SCAPER: variants seen among roughly 807,000 people sequenced by gnomAD.
SCAPER encodes S phase cyclin A-associated protein in the endoplasmic reticulum.
A neutral mutation model predicts 182.2 loss-of-function variants in SCAPER; 98 were observed. The ratio of observed to expected loss-of-function variants is 0.54; its 90% CI spans 0.46 to 0.64. The LOEUF is 0.64. Ranked by LOEUF, SCAPER falls within the 30% of genes least tolerant of loss-of-function variation. The pLI is 0.00. For missense variants in SCAPER, 1,432 were observed against 1,690.0 expected, an observed-to-expected ratio of 0.85 and a Z score of 2.68; for synonymous variants, 605 against 564.6, an observed-to-expected ratio of 1.07 and a Z score of -1.01.
intron 24 of SCAPER, among the ~76,000 whole-genome samples, chr15:76,494,274 T>C (rs2040279887): frequency 6.6e-6 from 1 of 152,234 alleles, no homozygotes; most frequent in Admixed American, 6.5e-5. Flanking sequence ...ATTTCATTTT[T>C]AGACTTCATT....
Position 76,873,274 on chromosome 15 carries a change from AAAGGAAGGAAGG to A in SCAPER, c.6+10526_6+10537del, listed in dbSNP as rs1186656853. Among the ~76,000 whole-genome samples, 90 of 105,660 alleles carry A rather than the reference AAAGGAAGGAAGG, an allele frequency of 8.5e-4. No individual in the cohort carries two copies. The East Asian group carries it at 8.7e-3, about 10-fold the overall frequency. The allele number at this position is 105,660 out of a possible 152,430, so 69.3% of individuals were successfully genotyped here. ...TCCCGAAAAAGAAAAAAAGAAAGGA[AAAGGAAGGAAGG>A]AAGGAAGGAAGGAAGGAAGGAAGGA... On this transcript the variant is annotated intron_variant, in intron 2 of 31. Coordinates refer to ENST00000563290, the MANE Select transcript of SCAPER (RefSeq NM_020843.4).
chr15:76,384,424 T>C (rs2043161200), intron 27 of SCAPER, among the ~76,000 whole-genome samples: 2 of 152,242 alleles, frequency 1.3e-5, no homozygotes, highest in Admixed American at 6.5e-5. Flanking sequence ...TTCACTGCTA[T>C]TTCCTCTTCC....
chr15:76,876,973 C>A (rs8035685), intron 2 of SCAPER, among the ~76,000 whole-genome samples: 4,417 of 152,242 alleles, frequency 0.029, 198 homozygotes, highest in African/African-American at 0.1. Flanking sequence ...CACTGGCTCA[C>A]AACTGTAATC....
chr15:76,621,900 T>C lies in SCAPER; in HGVS notation c.2646-71A>G, dbSNP rs1466541881. 9.1e-6 allele frequency: 10 copies of C among 1,099,690 alleles called. No individual in the cohort carries two copies. In the South Asian group the frequency reaches 1.4e-4, roughly 15 times the overall value. The allele number at this position is 1,099,690 out of a possible 1,614,324, so 68.1% of individuals were successfully genotyped here. ...TTATAATAAACCAAAATGTTGGCTGTATTTTTCCCCTATTAAATATAACAC... is the reference window on the plus strand; with the variant it reads ...TTATAATAAACCAAAATGTTGGCTGCATTTTTCCCCTATTAAATATAACAC... On this transcript the variant is annotated intron_variant, in intron 21 of 31. Coordinates refer to ENST00000563290, the MANE Select transcript of SCAPER (RefSeq NM_020843.4).
chr15:76,816,321 CT>C (rs1176519533), intron 5 of SCAPER, among the ~76,000 whole-genome samples: 1 of 152,090 alleles, frequency 6.6e-6, no homozygotes, highest in Non-Finnish European at 1.5e-5. Context: ...ACAAAATTAT[CT>C]TTATAACCTC....
chr15:76,768,216 A>G (rs1185664632), intron 10 of SCAPER, among the ~76,000 whole-genome samples: 2 of 152,192 alleles, frequency 1.3e-5, no homozygotes, highest in Non-Finnish European at 1.5e-5. Context: ...TCCAGGAGAA[A>G]TAAAAAATGT....
chr15:76,855,773 G>C (rs1197038802), intron 4 of SCAPER: 1 of 311,918 alleles, frequency 3.2e-6, no homozygotes, highest in East Asian at 8.4e-5. Flanking sequence ...AAAAATAACA[G>C]ATCTTGGCAA....
At chr15:76,532,562 T>C (rs988134768) in intron 23 of SCAPER, among the ~76,000 whole-genome samples, 1 of 152,184 alleles carries the variant, frequency 6.6e-6, no homozygotes, top group Non-Finnish European at 1.5e-5. Context: ...ATGCTGACTT[T>C]TCACTCATCA....
At chr15:76,730,855 C>T (rs2060883555) in intron 16 of SCAPER, among the ~76,000 whole-genome samples, 1 of 152,084 alleles carries the variant, frequency 6.6e-6, no homozygotes, top group Admixed American at 6.6e-5. Context: ...CACTTGTAAA[C>T]ATAATGTCAA....
intron 4 of SCAPER, chr15:76,855,812 G>A (rs535936127): frequency 7.1e-5 from 29 of 407,086 alleles, no homozygotes; most frequent in Non-Finnish European, 8.5e-5. Flanking sequence ...ATACTTACAC[G>A]CTATTGCTGG....
intron 23 of SCAPER, among the ~76,000 whole-genome samples, chr15:76,512,663 C>G (rs1310200299): frequency 1.3e-5 from 2 of 151,686 alleles, no homozygotes; most frequent in Non-Finnish European, 1.5e-5. Flanking sequence ...AAAAAAAAAC[C>G]CTCCAAAAAA....
At position 76,533,510 on chromosome 15, in the gene SCAPER, G is replaced by A. The variant is rs1313227288; in HGVS notation, c.2839-28536C>T. On this transcript the variant is annotated intron_variant, in intron 23 of 31. Coordinates refer to ENST00000563290, the MANE Select transcript of SCAPER (RefSeq NM_020843.4). Reference sequence around the variant, plus strand: ...GTATACCATATAGCCTATGTGTGAAGCAGGCTATACCATCAAGGTCTGTGT... The same window carrying A: ...GTATACCATATAGCCTATGTGTGAAACAGGCTATACCATCAAGGTCTGTGT... 1.3e-5 allele frequency among the ~76,000 whole-genome samples: 2 copies of A among 152,022 alleles called. 1 individual carries two copies.
At chr15:76,605,122 CAG>C (rs1268587800) in intron 22 of SCAPER, among the ~76,000 whole-genome samples, 4 of 152,120 alleles carry the variant, frequency 2.6e-5, no homozygotes, top group African/African-American at 9.7e-5. Context: ...GGAATGCTTC[CAG>C]TTTTTGCTCA....
At chr15:76,491,781 G>C (rs1225421752) in intron 24 of SCAPER, among the ~76,000 whole-genome samples, 1 of 152,100 alleles carries the variant, frequency 6.6e-6, no homozygotes, top group East Asian at 1.9e-4. Context: ...ACAGGCGTTT[G>C]CCACCACACC....
chr15:76,732,435 G>A (rs535528886), intron 16 of SCAPER, among the ~76,000 whole-genome samples: 1 of 152,070 alleles, frequency 6.6e-6, no homozygotes, highest in Non-Finnish European at 1.5e-5. Context: ...ACAGAGATAG[G>A]AGCTGAGGGG....
intron 24 of SCAPER, among the ~76,000 whole-genome samples, chr15:76,496,730 T>C (rs2143574052): frequency 6.6e-6 from 1 of 152,324 alleles, no homozygotes; most frequent in Admixed American, 6.5e-5. Flanking sequence ...TAGAGTATAC[T>C]TTCTCTCTTT....
intron 5 of SCAPER, among the ~76,000 whole-genome samples, chr15:76,819,467 G>A (rs2067348757): frequency 6.6e-6 from 1 of 152,178 alleles, no homozygotes; most frequent in Non-Finnish European, 1.5e-5. Context: ...CTGATACCCA[G>A]GCAAACAGGG....
At chr15:76,463,238 A>AT (rs773401190) in intron 25 of SCAPER, among the ~76,000 whole-genome samples, 40 of 152,242 alleles carry the variant, frequency 2.6e-4, no homozygotes, top group Middle Eastern at 3.4e-3. Flanking sequence ...GTGTTGAGGG[A>AT]TTTTTGCTCC....
chr15:76,634,700 T>A (rs529808406), intron 21 of SCAPER, among the ~76,000 whole-genome samples: 1 of 152,358 alleles, frequency 6.6e-6, no homozygotes, highest in Admixed American at 6.5e-5. Flanking sequence ...TTCTTTTAGA[T>A]GCCATTGCCA....
Sources: gnomAD v4.1 joint callset for allele counts (sites outside exome capture counted in the v4.1 genomes callset) on GRCh38, gnomAD v4.1.1 for gene constraint, MANE v1.5 for transcripts, NCBI Gene and HGNC (gene_info 2026-07-23, HGNC 2026-07-21) for gene names.